Variants in ENKUR observed in about 807,000 individuals in gnomAD.
The protein encoded by ENKUR is enkurin.
ENKUR carries 19 observed loss-of-function variants against 27.6 expected under a neutral mutation model. That is an observed-to-expected ratio of 0.69 (90% confidence interval 0.48 to 1.01). The LOEUF (loss-of-function observed/expected upper bound fraction) is 1.01, where lower values mean the gene tolerates loss of function less well. ENKUR is among the 50% of genes least tolerant of loss of function. The pLI is 0.00. For missense variants in ENKUR, 312 were observed against 310.5 expected (o/e 1.00, Z -0.04); for synonymous variants, 117 against 96.9 (o/e 1.21, Z -1.22).
chr10:25,000,983 A>G (rs1472536397), intron 1 of ENKUR, among the ~76,000 whole-genome samples: 1 of 152,102 alleles, frequency 6.6e-6, no homozygotes, highest in African/African-American at 2.4e-5. Flanking sequence ...TTTCAAAAGA[A>G]TACTTGCATC....
At chr10:25,031,369 C>T (rs192859241) in intron 2 of ENKUR, among the ~76,000 whole-genome samples, 102 of 152,232 alleles carry the variant, frequency 6.7e-4, no homozygotes, top group Non-Finnish European at 1.3e-3. Context: ...CGGATTACCT[C>T]ATAATGAAAG....
upstream of ENKUR, chr10:25,016,857 G>C (rs765289641): frequency 6.6e-6 from 1 of 152,628 alleles, no homozygotes; most frequent in Non-Finnish European, 1.5e-5. Context: ...GCCTTTCCCC[G>C]TACCGTCCCT....
intron 2 of ENKUR, among the ~76,000 whole-genome samples, chr10:25,039,151 C>G (rs1191920422): frequency 6.6e-6 from 1 of 152,158 alleles, no homozygotes; most frequent in Non-Finnish European, 1.5e-5. Flanking sequence ...AATGACAAAG[C>G]TTTAAACATT....
chr10:24,988,694 AT>A (rs2132670984), intron 4 of ENKUR, among the ~76,000 whole-genome samples: 2 of 33,954 alleles, frequency 5.9e-5, no homozygotes, highest in African/African-American at 2.9e-4. Flanking sequence ...ATATATATAT[AT>A]ATATATATAT....
At chr10:25,004,513 A>G (rs1850267563) in intron 1 of ENKUR, among the ~76,000 whole-genome samples, 1 of 152,180 alleles carries the variant, frequency 6.6e-6, no homozygotes, top group Non-Finnish European at 1.5e-5. Flanking sequence ...TCTAATGATC[A>G]GTGATGTTAA....
chr10:24,984,935 C>T, intron 4 of ENKUR, 30 bp from the exon 5 acceptor site: 1 of 1,566,414 alleles, frequency 6.4e-7, no homozygotes, highest in Non-Finnish European at 8.7e-7. Context: ...TTGTAAATAC[C>T]AAAGCAAACT....
At chr10:25,020,732 C>A (rs1437753724), upstream of ENKUR, among the ~76,000 whole-genome samples, 3 of 140,014 alleles carry the variant, frequency 2.1e-5, no homozygotes, top group African/African-American at 7.4e-5. Context: ...CAGTGGAAGA[C>A]CCTTTCTCAA....
intron 2 of ENKUR, among the ~76,000 whole-genome samples, chr10:25,059,114 C>CTAATATTCT (rs1564359816): frequency 1.3e-5 from 2 of 149,460 alleles, no homozygotes; most frequent in Non-Finnish European, 3.0e-5. Context: ...TTGTTTTGCC[C>CTAATATTCT]TAATATTCTT....
At chr10:24,989,234 T>C (rs888434215) in intron 4 of ENKUR, among the ~76,000 whole-genome samples, 5 of 152,186 alleles carry the variant, frequency 3.3e-5, no homozygotes, top group African/African-American at 1.2e-4. Flanking sequence ...GAAAATGACA[T>C]GCCAATTCTC....
intron 3 of ENKUR, 44 bp downstream of exon 3, chr10:24,995,602 A>C (rs774247203): frequency 4.2e-5 from 63 of 1,494,590 alleles, no homozygotes; most frequent in Admixed American, 5.7e-5. Flanking sequence ...CCATATTTAA[A>C]TTATTTGAAT....
chr10:25,035,828 G>A (rs930605616), intron 2 of ENKUR, among the ~76,000 whole-genome samples: 26 of 152,154 alleles, frequency 1.7e-4, no homozygotes, highest in Admixed American at 1.4e-3. Context: ...TTATCTGTTT[G>A]ACTCAAGGTC....
At position 25,060,896 on chromosome 10, in the gene ENKUR, T is replaced by A. The variant is rs555453785; in HGVS notation, c.37+216A>T. Among the ~76,000 whole-genome samples the A allele has an allele frequency of 2.0e-5, 3 of 152,156 alleles. No individual in the cohort carries two copies. In the South Asian group the frequency reaches 6.2e-4, roughly 32 times the overall value. On this transcript the variant is annotated intron_variant, in intron 2 of 5. Coordinates refer to the ENKUR transcript ENST00000615958. The stretch of plus-strand genomic sequence containing the variant: ...CTAATTTAAAAAGTTTTTTTTTTTT[T>A]AGAGACAAGATCTCACCATGTTTCC...
At chr10:25,003,447 T>C (rs1466225315) in intron 1 of ENKUR, among the ~76,000 whole-genome samples, 3 of 152,228 alleles carry the variant, frequency 2.0e-5, no homozygotes, top group Non-Finnish European at 2.9e-5. Context: ...CCTCAAGTGA[T>C]CCACCTGCCT....
chr10:25,062,183 T>C (rs530664120), exon 1 of ENKUR: 3 of 152,354 alleles, frequency 2.0e-5, no homozygotes, highest in South Asian at 4.1e-4. Context: ...CTTGCTTACC[T>C]ATAAGCCTAA....
At chr10:25,040,371 A>AT (rs370808163) in intron 2 of ENKUR, among the ~76,000 whole-genome samples, 3,579 of 133,794 alleles carry the variant, frequency 0.027, 114 homozygotes, top group African/African-American at 0.057. Flanking sequence ...ATTAAATGGG[A>AT]TTTTTTTTTT....
chr10:25,017,316 A>C (rs995488786), upstream of ENKUR, among the ~76,000 whole-genome samples: 1 of 152,172 alleles, frequency 6.6e-6, no homozygotes, highest in Admixed American at 6.5e-5. Flanking sequence ...TAGGAAAGTC[A>C]TTTAGACGCT....
chr10:24,989,548 G>A lies in ENKUR; in HGVS notation c.594+915C>T, dbSNP rs529083727. ...ATCTATACATGTACATAGATCCATA[G>A]TACCTCTCACTAATTAAATTGCACA... is the stretch of plus-strand genomic sequence containing the variant. On this transcript the variant is annotated intron_variant, in intron 4 of 5. Transcript: ENST00000331161. 5.9e-5 allele frequency among the ~76,000 whole-genome samples: 9 copies of A among 152,210 alleles called. No homozygotes were observed. In the South Asian group the frequency reaches 1.9e-3, roughly 32 times the overall value.
intron 1 of ENKUR, among the ~76,000 whole-genome samples, chr10:25,009,968 A>G (rs1385973336): frequency 2.0e-5 from 3 of 152,166 alleles, no homozygotes; most frequent in African/African-American, 7.2e-5. Flanking sequence ...AGAACAGACT[A>G]ATAGAGTAAA....
rs372214436 is a variant in ENKUR, at chr10:24,990,537, G to T, written c.520C>A (p.Arg174Ser). The change falls in exon 4 of 6, where the codon CGT becomes AGT. Residue 174 changes from arginine to serine, a missense_variant. Arg to Ser is a moderately radical substitution (Grantham distance 110). Coordinates refer to ENST00000331161, the MANE Select transcript of ENKUR (RefSeq NM_145010.4). ...TTCTTAAGGTTTTCCTGGATATAAC[G>T]ATCATAGTCTTCTTGGGCTTTCTTT... is the stretch of plus-strand genomic sequence containing the variant. The part of the protein sequence containing the change: ...EIKKAQEDYD[R>S]YIQENLKKAA... 4 of 1,613,970 alleles carry T rather than the reference G, an allele frequency of 2.5e-6. No homozygotes were observed. The highest frequency in any genetic ancestry group is 3.4e-6 in the Non-Finnish European group (4 of 1,179,984).
Sources: allele counts gnomAD v4.1 joint callset (sites outside exome capture counted in the v4.1 genomes callset), GRCh38; gene constraint gnomAD v4.1.1; transcripts MANE v1.5; gene names NCBI Gene and HGNC (gene_info 2026-07-23, HGNC 2026-07-21).